The following PLXDC1 variants were observed in gnomAD, a reference collection of about 807,000 sequenced individuals.
The protein encoded by PLXDC1 is plexin domain-containing protein 1.
In PLXDC1, 39 loss-of-function variants were observed where a neutral mutation model predicts 61.3. The observed-to-expected ratio is 0.64, with a 90% CI of 0.49 to 0.83. The LOEUF is 0.83. PLXDC1 is among the 40% of genes least tolerant of loss of function. The pLI, the probability that PLXDC1 is intolerant of heterozygous loss-of-function variation, is 0.00. For missense variants in PLXDC1, 596 were observed against 666.5 expected, an observed-to-expected ratio of 0.89 and a Z score of 1.17; for synonymous variants, 212 against 254.5, an observed-to-expected ratio of 0.83 and a Z score of 1.59.
chr17:39,138,202 C>A (rs1395394509), intron 2 of PLXDC1, among the ~76,000 whole-genome samples: 1 of 152,112 alleles, frequency 6.6e-6, no homozygotes, highest in African/African-American at 2.4e-5. Flanking sequence ...TCCCAAAGTG[C>A]TAGGATTACA....
chr17:39,105,816 C>A, intron 7 of PLXDC1, 38 bp downstream of exon 7: 1 of 1,354,576 alleles, frequency 7.4e-7, no homozygotes, highest in Non-Finnish European at 1.1e-6. Flanking sequence ...CGGAGTCCTA[C>A]CCCCATCAAG....
intron 2 of PLXDC1, among the ~76,000 whole-genome samples, chr17:39,117,944 G>T (rs2143758323): frequency 6.6e-6 from 1 of 152,194 alleles, no homozygotes; most frequent in African/African-American, 2.4e-5. Flanking sequence ...TCTCCATCCA[G>T]TTCTTTATGA....
chr17:39,073,304 G>A (rs997914365), intron 11 of PLXDC1: 1 of 152,214 alleles, frequency 6.6e-6, no homozygotes, highest in African/African-American at 2.4e-5. Flanking sequence ...TGGGATTACA[G>A]GCGAGAGCCA....
At position 39,079,144 on chromosome 17, in the gene PLXDC1, C is replaced by G; in HGVS notation, c.1010G>C (p.Arg337Pro). The change falls in exon 10 of 14, where the codon CGC becomes CCC. Residue 337 changes from arginine (R) to proline (P), a missense_variant. Coordinates refer to ENST00000315392, the MANE Select transcript of PLXDC1 (RefSeq NM_020405.5). ...ATAGTCCATCCACTCCTGGCGATAG[C>G]GGTCAAAGCCACTGGAGCATCTGCA... The part of the protein sequence containing the change: ...VLQRCSSGFD[R>P]YRQEWMDYGC... 1 of 1,613,652 alleles carries G rather than the reference C, an allele frequency of 6.2e-7. No homozygotes were observed. The highest frequency in any genetic ancestry group is 8.5e-7 in the Non-Finnish European group (1 of 1,179,664).
rs962659631 is a variant in PLXDC1, at chr17:39,108,756, C to A, written c.469+148G>T. ...AGATGCTCTGACGTCCACTGACCCC[C>A]CTCCTGAGAATCAGACTCCTATTAG... is the stretch of plus-strand genomic sequence containing the variant. On this transcript the variant is annotated intron_variant, in intron 4 of 13. Transcript: ENST00000315392. 6.2e-6 allele frequency: 4 copies of A among 641,956 alleles called. No individual in the cohort carries two copies. The East Asian group carries it at 1.1e-4, about 18-fold the overall frequency. 39.8% of individuals were successfully genotyped at this position (641,956 alleles called of 1,614,324 possible).
chr17:39,151,601 A>C lies in PLXDC1; in HGVS notation c.-164T>G. On this transcript the variant is annotated 5_prime_UTR_variant, in exon 1 of 14. Transcript: ENST00000315392. The surrounding 1 kb of genome is among the most constrained non-coding windows in gnomAD (Gnocchi z 5.2). ...CGGGCGAGCCGGCAGGAGCGGCGAG[A>C]GCGCGAGCGGAGCTGGAGGCTGCGG... 8.9e-7 allele frequency: 1 copy of C among 1,125,654 alleles called. No individual in the cohort carries two copies. The highest frequency in any genetic ancestry group is 1.1e-6 in the Non-Finnish European group (1 of 919,772). The allele number at this position is 1,125,654 out of a possible 1,614,324, so 69.7% of individuals were successfully genotyped here.
chr17:39,068,498 G>A (rs1372289881), intron 13 of PLXDC1, among the ~76,000 whole-genome samples: 3 of 152,206 alleles, frequency 2.0e-5, no homozygotes, highest in Non-Finnish European at 2.9e-5. Context: ...CCAACATGGT[G>A]AAACACTGTC....
chr17:39,102,691 C>T lies in PLXDC1; in HGVS notation c.811+3163G>A, dbSNP rs117986429. Among the ~76,000 whole-genome samples the T allele has an allele frequency of 6.1e-4, 89 of 145,296 alleles. No homozygotes were observed. The East Asian group carries it at 0.018, about 29-fold the overall frequency. On this transcript the variant is annotated intron_variant, in intron 7 of 13. Transcript: ENST00000315392. ...TGTTCAAGTGCAGAAACACTGACATCGTATGCTATCAAATACACACACACA... is the reference window on the plus strand; with the variant it reads ...TGTTCAAGTGCAGAAACACTGACATTGTATGCTATCAAATACACACACACA...
chr17:39,071,737 G>C (rs1909127111), intron 12 of PLXDC1, among the ~76,000 whole-genome samples: 1 of 152,152 alleles, frequency 6.6e-6, no homozygotes, highest in African/African-American at 2.4e-5. Context: ...CTATGGAGGA[G>C]CAATGGCTCC....
At chr17:39,109,871 G>A (rs1038123989) in intron 2 of PLXDC1, among the ~76,000 whole-genome samples, 1 of 152,180 alleles carries the variant, frequency 6.6e-6, no homozygotes, top group Non-Finnish European at 1.5e-5. Flanking sequence ...GGCTGGACGC[G>A]GTGGCTCGCG....
chr17:39,067,697 C>T lies in PLXDC1; in HGVS notation c.*143G>A, dbSNP rs775506401. 1.3e-5 allele frequency: 10 copies of T among 774,296 alleles called. No individual in the cohort carries two copies. Among genetic ancestry groups the T allele is most frequent in the Middle Eastern group, 3.4e-4 (1 of 2,942 alleles). 48.0% of individuals were successfully genotyped at this position (774,296 alleles called of 1,614,324 possible). On this transcript the variant is annotated 3_prime_UTR_variant, in exon 14 of 14. Coordinates refer to ENST00000315392, the MANE Select transcript of PLXDC1 (RefSeq NM_020405.5). ...CAATATTCGGGGTGTGCTGACGAAG[C>T]GAGCAGCAGCTCTGGAGCCATAAAC... is the stretch of plus-strand genomic sequence containing the variant.
At position 39,072,534 on chromosome 17, in the gene PLXDC1, C is replaced by T. The variant is rs199680809; in HGVS notation, c.1187-49G>A. 7.7e-6 allele frequency: 9 copies of T among 1,165,866 alleles called. No individual in the cohort carries two copies. The South Asian group carries it at 1.2e-4, about 15-fold the overall frequency. 72.2% of individuals were successfully genotyped at this position (1,165,866 alleles called of 1,614,324 possible). On this transcript the variant is annotated intron_variant, in intron 11 of 13. Coordinates refer to ENST00000315392, the MANE Select transcript of PLXDC1 (RefSeq NM_020405.5). The stretch of plus-strand genomic sequence containing the variant: ...AGCAAGATTAGTGGAATCATTACAG[C>T]CTTTGTCACTCTGAGTCCAGATGGG...
chr17:39,102,855 G>A (rs547033096), intron 7 of PLXDC1, among the ~76,000 whole-genome samples: 3 of 152,224 alleles, frequency 2.0e-5, no homozygotes, highest in African/African-American at 7.2e-5. Context: ...GGGTTCAGGG[G>A]CAGGTGAAAA....
chr17:39,109,028 G>T (rs991837198), intron 3 of PLXDC1, 55 bp from the exon 4 acceptor site: 2 of 1,407,812 alleles, frequency 1.4e-6, no homozygotes, highest in Non-Finnish European at 2.0e-6. Flanking sequence ...AGGGGCCTGG[G>T]CACCCACACT....
chr17:39,086,007 A>G (rs1909726372), intron 8 of PLXDC1, among the ~76,000 whole-genome samples: 1 of 152,126 alleles, frequency 6.6e-6, no homozygotes, highest in Non-Finnish European at 1.5e-5. Context: ...AACATTTCAG[A>G]TGGCCTGAAT....
chr17:39,088,605 C>T (rs1303360143), intron 7 of PLXDC1, among the ~76,000 whole-genome samples: 1 of 152,024 alleles, frequency 6.6e-6, no homozygotes, highest in Non-Finnish European at 1.5e-5. Context: ...CGATACCCAC[C>T]CAGGAACCAT....
Position 39,149,053 on chromosome 17 carries a change from C to T in PLXDC1, c.76+2309G>A, listed in dbSNP as rs999758527. Among the ~76,000 whole-genome samples, 7 of 152,236 alleles carry T rather than the reference C, an allele frequency of 4.6e-5. No homozygotes were observed. In the South Asian group the frequency reaches 1.5e-3, roughly 32 times the overall value. ...TGACCAGACTGTCAGTTCCCTGGGC[C>T]CCTGCTCTGCACCCCAAGGCCATTT... On this transcript the variant is annotated intron_variant, in intron 1 of 13. Transcript: ENST00000315392.
rs1910700482 is a variant in PLXDC1, at chr17:39,109,038, T to C, written c.400-65A>G. On this transcript the variant is annotated intron_variant, in intron 3 of 13. Transcript: ENST00000315392. ...AGGCCAGGGGCCTGGGCACCCACAC[T>C]GCCTCATGCTTGTTTGGACAGAGTG... 8.1e-6 allele frequency: 11 copies of C among 1,359,926 alleles called. No homozygotes were observed. The South Asian group carries it at 1.3e-4, about 16-fold the overall frequency. 84.2% of individuals were successfully genotyped at this position (1,359,926 alleles called of 1,614,324 possible).
At chr17:39,095,203 C>T (rs555117648) in intron 7 of PLXDC1, among the ~76,000 whole-genome samples, 3 of 113,348 alleles carry the variant, frequency 2.6e-5, no homozygotes, top group African/African-American at 1.1e-4. Flanking sequence ...GTCCTTCCAG[C>T]GGAGTGGGGG....
Sources: allele counts gnomAD v4.1 joint callset (sites outside exome capture counted in the v4.1 genomes callset), GRCh38; gene constraint gnomAD v4.1.1; non-coding constraint Gnocchi (gnomAD v3.1); transcripts MANE v1.5; gene names NCBI Gene and HGNC (gene_info 2026-07-23, HGNC 2026-07-21).